The following RAPGEF6 variants were observed in gnomAD, a reference collection of about 807,000 sequenced individuals.
RAPGEF6 encodes PDZ domain containing guanine nucleotide exchange factor (GEF) 2.
In RAPGEF6, 56 loss-of-function variants were observed where a neutral mutation model predicts 171.4. The ratio of observed to expected loss-of-function variants is 0.33; its 90% CI spans 0.26 to 0.41. The LOEUF is 0.41. Ranked by LOEUF, RAPGEF6 falls within the 10% of genes least tolerant of loss-of-function variation. The pLI is 1.00. For synonymous variants in RAPGEF6, 692 were observed against 650.1 expected, an observed-to-expected ratio of 1.06 and a Z score of -0.98; for missense variants, 1,674 against 1,921.4, an observed-to-expected ratio of 0.87 and a Z score of 2.41.
intron 16 of RAPGEF6, among the ~76,000 whole-genome samples, chr5:131,479,117 T>C (rs1391724666): frequency 6.6e-6 from 1 of 151,910 alleles, no homozygotes; most frequent in Admixed American, 6.6e-5. Context: ...ATTAAAAAGT[T>C]CAACTTTAGA....
intron 26 of RAPGEF6, among the ~76,000 whole-genome samples, chr5:131,430,394 G>A (rs1022766137): frequency 1.3e-5 from 2 of 152,126 alleles, no homozygotes; most frequent in Non-Finnish European, 2.9e-5. Flanking sequence ...TGTACACCAA[G>A]AGAGTATACT....
chr5:131,499,489 C>T (rs565753413), intron 11 of RAPGEF6, among the ~76,000 whole-genome samples: 2 of 140,862 alleles, frequency 1.4e-5, no homozygotes, highest in South Asian at 2.2e-4. Context: ...GGTGAGGCAG[C>T]AGAATTGCTT....
chr5:131,469,264 T>C (rs1298885592), intron 17 of RAPGEF6, among the ~76,000 whole-genome samples: 1 of 152,198 alleles, frequency 6.6e-6, no homozygotes, highest in African/African-American at 2.4e-5. Flanking sequence ...AAGTAAATAA[T>C]AACTAAATTC....
chr5:131,487,686 C>T (rs1756012981), intron 15 of RAPGEF6, among the ~76,000 whole-genome samples: 1 of 152,198 alleles, frequency 6.6e-6, no homozygotes, highest in African/African-American at 2.4e-5. Flanking sequence ...CAGAAATGTT[C>T]TCCGAGTCCC....
chr5:131,603,337 A>C lies in RAPGEF6; in HGVS notation c.141-10T>G. The C allele has an allele frequency of 6.6e-7, 1 of 1,517,178 alleles. No individual in the cohort carries two copies. The highest frequency in any genetic ancestry group is 8.9e-7 in the Non-Finnish European group (1 of 1,127,360). 94.0% of individuals were successfully genotyped at this position (1,517,178 alleles called of 1,614,324 possible). A position where few individuals can be genotyped will look rare whatever the true frequency, so the allele number is the denominator to read the frequency against. On this transcript the variant is annotated splice_polypyrimidine_tract_variant and intron_variant, in intron 2 of 27. Transcript: ENST00000509018. ...TCTTGCAGACATTAATCTATTAAAA[A>C]AAAAAATTGAAGATTTTATCTTACA...
intron 11 of RAPGEF6, among the ~76,000 whole-genome samples, chr5:131,499,939 C>T (rs1756906931): frequency 6.6e-6 from 1 of 152,174 alleles, no homozygotes; most frequent in South Asian, 2.1e-4. Context: ...GGCTCTGTCG[C>T]CCAGGCTGGA....
rs374470868 is a variant in RAPGEF6, at chr5:131,619,104, C to T, written c.70-14411G>A. On this transcript the variant is annotated intron_variant, in intron 1 of 27. Transcript: ENST00000509018. ...AGGAGACTATGGTAACCAAATGTAA[C>T]GTAACATACCTTGACTAGACCCTGG... 5.3e-5 allele frequency among the ~76,000 whole-genome samples: 8 copies of T among 150,716 alleles called. No individual in the cohort carries two copies. The South Asian group carries it at 1.0e-3, about 20-fold the overall frequency.
At chr5:131,529,462 C>A (rs891760148) in intron 6 of RAPGEF6, among the ~76,000 whole-genome samples, 4 of 123,416 alleles carry the variant, frequency 3.2e-5, no homozygotes, top group Non-Finnish European at 6.7e-5. Context: ...GGCGACAGAG[C>A]GAGACTCTGT....
chr5:131,514,044 AC>A (rs1168056542), intron 7 of RAPGEF6, among the ~76,000 whole-genome samples: 1 of 151,680 alleles, frequency 6.6e-6, no homozygotes, highest in Admixed American at 6.6e-5. Context: ...CAAAACCAAA[AC>A]CCCCCAAAAA....
intron 15 of RAPGEF6, among the ~76,000 whole-genome samples, chr5:131,484,320 A>T (rs1755723644): frequency 7.0e-6 from 1 of 142,056 alleles, no homozygotes; most frequent in Non-Finnish European, 1.5e-5. Flanking sequence ...TCCGCCCCCA[A>T]GGTTCAAGTG....
intron 1 of RAPGEF6, among the ~76,000 whole-genome samples, chr5:131,610,161 T>G (rs752214754): frequency 3.9e-5 from 6 of 152,214 alleles, no homozygotes; most frequent in Non-Finnish European, 7.3e-5. Context: ...CAGATGGGCC[T>G]AGAAACAAAT....
At chr5:131,473,701 T>C (rs974704503) in intron 16 of RAPGEF6, among the ~76,000 whole-genome samples, 2 of 152,202 alleles carry the variant, frequency 1.3e-5, no homozygotes, top group Admixed American at 6.5e-5. Flanking sequence ...ACAGAATACT[T>C]ACCTATTATC....
intron 4 of RAPGEF6, among the ~76,000 whole-genome samples, chr5:131,580,462 C>T (rs978923609): frequency 1.3e-5 from 2 of 152,088 alleles, no homozygotes; most frequent in Admixed American, 6.5e-5. Context: ...CAGCCTCAGC[C>T]AGCCCTGAGA....
At chr5:131,461,611 T>G in intron 19 of RAPGEF6, 94 bp downstream of exon 19, 1 of 1,223,114 alleles carries the variant, frequency 8.2e-7, no homozygotes, top group Non-Finnish European at 1.1e-6. Context: ...TAATTGAACA[T>G]TTCTTTTCAT....
At chr5:131,460,496 C>T (rs1035458178) in intron 19 of RAPGEF6, among the ~76,000 whole-genome samples, 2 of 152,166 alleles carry the variant, frequency 1.3e-5, no homozygotes, top group Non-Finnish European at 2.9e-5. Flanking sequence ...AAATTCTTTA[C>T]TTGATGCTTC....
intron 26 of RAPGEF6, chr5:131,430,569 T>C (rs1003938612): frequency 1.0e-5 from 5 of 501,968 alleles, no homozygotes; most frequent in South Asian, 8.4e-5. Context: ...ACTAATGCGA[T>C]GATATTCCTC....
chr5:131,464,154 T>G lies in RAPGEF6; in HGVS notation c.2367A>C (p.Ala789=). ...HAVHEFGLTG[A]SDTYSLCEVS... is the part of the protein sequence containing the mutation. ...CTTCACAGAGAGAATATGTGTCGGA[T>G]GCACCGGTCAAACCAAATTCATGAA... The change falls in exon 18 of 28, where the codon GCA becomes GCC. Residue 789 remains alanine, a synonymous_variant. Transcript: ENST00000509018. 1 of 1,614,068 alleles carries G rather than the reference T, an allele frequency of 6.2e-7. No individual in the cohort carries two copies. Among genetic ancestry groups the G allele is most frequent in the South Asian group, 1.1e-5 (1 of 91,086 alleles).
At chr5:131,458,693 A>G (rs898025056) in intron 19 of RAPGEF6, among the ~76,000 whole-genome samples, 2 of 152,150 alleles carry the variant, frequency 1.3e-5, no homozygotes, top group African/African-American at 4.8e-5. Context: ...TTGCTCTGTC[A>G]CCCAGGCTGG....
chr5:131,430,285 G>T (rs1751618368), intron 26 of RAPGEF6, among the ~76,000 whole-genome samples: 1 of 151,708 alleles, frequency 6.6e-6, no homozygotes, highest in South Asian at 2.1e-4. Flanking sequence ...GTTTAGGAAA[G>T]AAATTTTTAA....
Sources: gnomAD v4.1 joint callset for allele counts (sites outside exome capture counted in the v4.1 genomes callset) on GRCh38, gnomAD v4.1.1 for gene constraint, MANE v1.5 for transcripts, NCBI Gene and HGNC (gene_info 2026-07-23, HGNC 2026-07-21) for gene names.